The following MAN1C1 variants were observed in gnomAD, a reference collection of about 807,000 sequenced individuals.
MAN1C1 encodes the protein mannosidase alpha class 1C member 1.
A neutral mutation model predicts 71.5 loss-of-function variants in MAN1C1; 49 were observed. The ratio of observed to expected loss-of-function variants is 0.69; its 90% CI spans 0.54 to 0.87. MAN1C1 has a LOEUF of 0.87. Among genes scored for constraint, MAN1C1 ranks in the 40% least tolerant of loss-of-function variants. The pLI is 0.00. For synonymous variants in MAN1C1, 352 were observed against 343.7 expected (o/e 1.02, Z -0.27); for missense variants, 743 against 835.0 (o/e 0.89, Z 1.36).
intron 1 of MAN1C1, among the ~76,000 whole-genome samples, chr1:25,628,218 G>A (rs2045327604): frequency 6.6e-6 from 1 of 151,956 alleles, no homozygotes. Flanking sequence ...GAGCTTTAAT[G>A]TATTTTATTA....
chr1:25,664,229 A>G (rs2124110451), intron 1 of MAN1C1, among the ~76,000 whole-genome samples: 1 of 150,066 alleles, frequency 6.7e-6, no homozygotes, highest in Middle Eastern at 3.6e-3. Context: ...AAAGTAGTCA[A>G]TCCTGGCTTT....
intron 2 of MAN1C1, among the ~76,000 whole-genome samples, chr1:25,714,604 A>G (rs1403408296): frequency 2.0e-5 from 3 of 152,222 alleles, no homozygotes; most frequent in African/African-American, 7.2e-5. Flanking sequence ...AATGGGAGGA[A>G]ATTATACCGA....
chr1:25,684,944 C>T (rs925293824), intron 1 of MAN1C1, among the ~76,000 whole-genome samples: 3 of 152,240 alleles, frequency 2.0e-5, no homozygotes, highest in African/African-American at 7.2e-5. Context: ...CACCCCAGAC[C>T]TGCTGAATCA....
At chr1:25,636,737 G>A (rs1287432055) in intron 1 of MAN1C1, among the ~76,000 whole-genome samples, 1 of 152,252 alleles carries the variant, frequency 6.6e-6, no homozygotes, top group Non-Finnish European at 1.5e-5. Flanking sequence ...AGAGATTAAA[G>A]TAAGACAGGC....
At chr1:25,717,669 G>A (rs551939534) in intron 2 of MAN1C1, among the ~76,000 whole-genome samples, 36 of 150,430 alleles carry the variant, frequency 2.4e-4, no homozygotes, top group African/African-American at 7.8e-4. Flanking sequence ...TCCGCCTCCC[G>A]GGTTCAAGCG....
chr1:25,687,352 G>A (rs910677123), intron 2 of MAN1C1, among the ~76,000 whole-genome samples: 6 of 152,170 alleles, frequency 3.9e-5, no homozygotes, highest in African/African-American at 1.4e-4. Flanking sequence ...ACTGCAGGGT[G>A]CCTTCTTGTG....
At position 25,711,342 on chromosome 1, in the gene MAN1C1, A is replaced by G. The variant is rs2046610154; in HGVS notation, c.637+24806A>G. 1.3e-5 allele frequency among the ~76,000 whole-genome samples: 2 copies of G among 152,200 alleles called. No homozygotes were observed. Among genetic ancestry groups the G allele is most frequent in the African/African-American group, 4.8e-5 (2 of 41,454 alleles). On this transcript the variant is annotated intron_variant, in intron 2 of 11. Coordinates refer to ENST00000374332, the MANE Select transcript of MAN1C1 (RefSeq NM_020379.4). This position sits in a 1 kb window ranked among gnomAD's most constrained non-coding sequence, Gnocchi z 4.3. ...CAAAGTCAGGGCTACAGGGAGAAGT[A>G]GGACACCAGGAACATTTTTGCCTTC... is the stretch of plus-strand genomic sequence containing the variant.
Position 25,660,396 on chromosome 1 carries a change from CTTTTTTTTTTTTTT to C in MAN1C1, c.541-26029_541-26016del, listed in dbSNP as rs1178878513. Among the ~76,000 whole-genome samples, 59 of 97,630 alleles carry C rather than the reference CTTTTTTTTTTTTTT, an allele frequency of 6.0e-4. 1 individual carries two copies. The highest frequency in any genetic ancestry group is 1.0e-3 in the Non-Finnish European group (53 of 51,332). 64.0% of individuals were successfully genotyped at this position (97,630 alleles called of 152,430 possible). On this transcript the variant is annotated intron_variant, in intron 1 of 11. Transcript: ENST00000374332. ...AGCTTGGGCAACAAGAGTGAAATTC[CTTTTTTTTTTTTTT>C]TTTTTTTTTTTTTTGAGTGTCGCCT... is the stretch of plus-strand genomic sequence containing the variant.
intron 1 of MAN1C1, among the ~76,000 whole-genome samples, chr1:25,632,081 A>G (rs922666106): frequency 1.3e-5 from 2 of 152,272 alleles, no homozygotes; most frequent in African/African-American, 2.4e-5. Flanking sequence ...TCCAGCCCCA[A>G]TTCTTCTTTG....
At chr1:25,668,734 AT>A (rs1489183831) in intron 1 of MAN1C1, among the ~76,000 whole-genome samples, 1 of 150,998 alleles carries the variant, frequency 6.6e-6, no homozygotes, top group Non-Finnish European at 1.5e-5. Context: ...TTTTTTTTGT[AT>A]TTTTAGTAGA....
In MAN1C1 at chr1:25,722,253, A is replaced by G. The variant is rs557443509; in HGVS notation, c.638-24415A>G. 1.9e-4 allele frequency among the ~76,000 whole-genome samples: 29 copies of G among 152,250 alleles called. 1 individual carries two copies. The highest frequency in any genetic ancestry group is 3.8e-4 in the Non-Finnish European group (26 of 68,012). On this transcript the variant is annotated intron_variant, in intron 2 of 11. Transcript: ENST00000374332. ...CTGAAATTTCATGACGATATACCTC[A>G]GTGTAGGTCTCTTTTCATTCATTGT...
intron 1 of MAN1C1, among the ~76,000 whole-genome samples, chr1:25,660,452 G>A (rs1251253918): frequency 7.0e-6 from 1 of 142,378 alleles, no homozygotes; most frequent in African/African-American, 2.7e-5. Context: ...GAGTGCAGTG[G>A]TGCCATCTCG....
chr1:25,681,302 G>A lies in MAN1C1; in HGVS notation c.541-5138G>A, dbSNP rs113998678. Reference sequence around the variant, plus strand: ...AGCAAAATTAGCAAAGGAAACAGTGGATGGGGACAACCCGGAGGAAACCAG... The same window carrying A: ...AGCAAAATTAGCAAAGGAAACAGTGAATGGGGACAACCCGGAGGAAACCAG... On this transcript the variant is annotated intron_variant, in intron 1 of 11. Coordinates refer to ENST00000374332, the MANE Select transcript of MAN1C1 (RefSeq NM_020379.4). Among the ~76,000 whole-genome samples, 1,465 of 152,172 alleles carry A rather than the reference G, an allele frequency of 9.6e-3. 23 individuals carry two copies. Among genetic ancestry groups the A allele is most frequent in the African/African-American group, 0.032 (1,349 of 41,508 alleles).
At chr1:25,767,827 TCACA>T (rs1385755641) in intron 7 of MAN1C1, among the ~76,000 whole-genome samples, 1 of 99,078 alleles carries the variant, frequency 1.0e-5, no homozygotes, top group African/African-American at 4.2e-5. Flanking sequence ...CACACTCCCC[TCACA>T]CACACTACAC....
chr1:25,765,829 G>A (rs1053570604), intron 7 of MAN1C1, among the ~76,000 whole-genome samples: 1 of 152,156 alleles, frequency 6.6e-6, no homozygotes, highest in Non-Finnish European at 1.5e-5. Flanking sequence ...CCCCAGGGAC[G>A]ACCTCACCCC....
At chr1:25,727,280 G>C (rs1051066247) in intron 2 of MAN1C1, among the ~76,000 whole-genome samples, 1 of 152,164 alleles carries the variant, frequency 6.6e-6, no homozygotes, top group Non-Finnish European at 1.5e-5. Context: ...TCCTGCCTGT[G>C]GATAGACTTT....
At chr1:25,622,104 C>T (rs1043315061) in intron 1 of MAN1C1, among the ~76,000 whole-genome samples, 1 of 152,212 alleles carries the variant, frequency 6.6e-6, no homozygotes, top group Non-Finnish European at 1.5e-5. Flanking sequence ...TGGTTAGGTG[C>T]AGCACCAGCA....
rs1413117296 is a variant in MAN1C1 at position 25,730,558 on chromosome 1, C to T, written c.638-16110C>T. On this transcript the variant is annotated intron_variant, in intron 2 of 11. Transcript: ENST00000374332. The surrounding 1 kb of genome is among the most constrained non-coding windows in gnomAD (Gnocchi z 4.3). ...AAAGCCTTGAAATGCTCCTGGGCTTCGATCTTTAGGAAATTGAACTGTGTG... is the reference window on the plus strand; with the variant it reads ...AAAGCCTTGAAATGCTCCTGGGCTTTGATCTTTAGGAAATTGAACTGTGTG... Among the ~76,000 whole-genome samples, 4 of 152,126 alleles carry T rather than the reference C, an allele frequency of 2.6e-5. No individual in the cohort carries two copies. The highest frequency in any genetic ancestry group is 5.9e-5 in the Non-Finnish European group (4 of 68,028).
chr1:25,670,473 T>G (rs2045979537), intron 1 of MAN1C1, among the ~76,000 whole-genome samples: 2 of 152,210 alleles, frequency 1.3e-5, no homozygotes, highest in Admixed American at 1.3e-4. Flanking sequence ...AGGTCATCCA[T>G]TCCTTCTAGC....
Sources: allele counts gnomAD v4.1 joint callset (sites outside exome capture counted in the v4.1 genomes callset), GRCh38; gene constraint gnomAD v4.1.1; non-coding constraint Gnocchi (gnomAD v3.1); transcripts MANE v1.5; gene names NCBI Gene and HGNC (gene_info 2026-07-23, HGNC 2026-07-21).